Variants in COL5A2 observed in about 807,000 individuals in gnomAD.
The protein encoded by COL5A2 is collagen type V alpha 2 chain, also known as collagen alpha-2(V) chain.
Under a neutral mutation model 208.2 loss-of-function variants are expected in COL5A2, and 23 were observed. The ratio of observed to expected loss-of-function variants is 0.11; its 90% CI spans 0.08 to 0.16. COL5A2 has a LOEUF of 0.16. Ranked by LOEUF, COL5A2 falls within the 10% of genes least tolerant of loss-of-function variation. The pLI is 1.00. For missense variants in COL5A2, 1,590 were observed against 1,956.4 expected (o/e 0.81, Z 3.53); for synonymous variants, 625 against 628.5 (o/e 0.99, Z 0.08).
chr2:189,359,491 C>T, the COL5A2 span, among the ~76,000 whole-genome samples: 10 of 152,128 alleles, frequency 6.6e-5, no homozygotes, highest in Non-Finnish European at 1.3e-4. Context: ...TGTTGATTTT[C>T]GCATTTCTGC....
chr2:189,251,146 A>T, the COL5A2 span, among the ~76,000 whole-genome samples: 10 of 152,228 alleles, frequency 6.6e-5, no homozygotes, highest in East Asian at 1.9e-4. Flanking sequence ...ACAATAAAAA[A>T]TTTTTAAATA....
At chr2:189,405,591 G>A in the COL5A2 span, among the ~76,000 whole-genome samples, 1 of 152,138 alleles carries the variant, frequency 6.6e-6, no homozygotes, top group Non-Finnish European at 1.5e-5. Context: ...ATTGCATTCT[G>A]TAGACTATTT....
At position 189,063,286 on chromosome 2, in the gene COL5A2, G is replaced by T. The variant is rs1686076114; in HGVS notation, c.1771-16C>A. The T allele has an allele frequency of 1.2e-6, 2 of 1,605,380 alleles. No homozygotes were observed. Among genetic ancestry groups the T allele is most frequent in the Non-Finnish European group, 1.7e-6 (2 of 1,172,940 alleles). ...CTGGCGCACCCTATAGAATTGACAG[G>T]AGCCATGTAAGTTTCATGTAAGTTG... On this transcript the variant is annotated splice_polypyrimidine_tract_variant and intron_variant, in intron 26 of 53. Coordinates refer to ENST00000374866, the MANE Select transcript of COL5A2 (RefSeq NM_000393.5).
chr2:189,086,144 A>G (rs576144187), intron 9 of COL5A2, among the ~76,000 whole-genome samples: 2 of 152,314 alleles, frequency 1.3e-5, no homozygotes, highest in East Asian at 3.9e-4. Context: ...CACACACATG[A>G]CAATGACAAT....
chr2:189,329,703 C>T, the COL5A2 span, among the ~76,000 whole-genome samples: 1 of 152,176 alleles, frequency 6.6e-6, no homozygotes, highest in African/African-American at 2.4e-5. Context: ...GCTCTCAAAA[C>T]CTCAATTCAG....
chr2:189,072,567 T>G (rs1686298483), intron 17 of COL5A2, among the ~76,000 whole-genome samples: 3 of 151,326 alleles, frequency 2.0e-5, no homozygotes, highest in Admixed American at 6.6e-5. Context: ...AGGTCAGGAG[T>G]TCGAGACCAG....
chr2:189,137,499 AT>A (rs1209449386), intron 1 of COL5A2, among the ~76,000 whole-genome samples: 2 of 152,244 alleles, frequency 1.3e-5, no homozygotes, highest in African/African-American at 2.4e-5. Context: ...TTTAAGTAAT[AT>A]TCTTTTGATG....
At chr2:189,337,184 T>C in the COL5A2 span, among the ~76,000 whole-genome samples, 1 of 151,008 alleles carries the variant, frequency 6.6e-6, no homozygotes, top group African/African-American at 2.4e-5. Flanking sequence ...CATTTTTTTT[T>C]TTCTTTTTTT....
Position 189,032,507 on chromosome 2 carries a change from A to C in COL5A2, c.*1563T>G, listed in dbSNP as rs1685355184. The C allele has an allele frequency of 6.6e-6, 1 of 152,158 alleles. No individual in the cohort carries two copies. Among genetic ancestry groups the C allele is most frequent in the South Asian group, 2.1e-4 (1 of 4,836 alleles). 9.4% of individuals were successfully genotyped at this position (152,158 alleles called of 1,614,324 possible). On this transcript the variant is annotated 3_prime_UTR_variant, in exon 54 of 54. Coordinates refer to ENST00000374866, the MANE Select transcript of COL5A2 (RefSeq NM_000393.5). ...TGGTCAAAGGAATTTCACAAAACAA[A>C]AACCACTGACATGACAAAAGCGTGC...
chr2:189,237,183 C>T, the COL5A2 span, among the ~76,000 whole-genome samples: 2 of 151,618 alleles, frequency 1.3e-5, no homozygotes, highest in South Asian at 2.1e-4. Context: ...AAATGTATAC[C>T]TTAATAATTT....
At chr2:189,079,559 TC>T (rs1301877188) in intron 14 of COL5A2, among the ~76,000 whole-genome samples, 1 of 152,168 alleles carries the variant, frequency 6.6e-6, no homozygotes, top group Non-Finnish European at 1.5e-5. Context: ...TGATGTTTTT[TC>T]TCCCTGTAGA....
the COL5A2 span, among the ~76,000 whole-genome samples, chr2:189,359,521 G>C: frequency 2.2e-4 from 34 of 152,162 alleles, no homozygotes; most frequent in African/African-American, 8.2e-4. Context: ...ATACTGGCCT[G>C]TAGCTTTCGT....
At chr2:189,115,380 T>C (rs1280810851) in intron 1 of COL5A2, among the ~76,000 whole-genome samples, 1 of 150,926 alleles carries the variant, frequency 6.6e-6, no homozygotes. Context: ...TGCATCCACA[T>C]TTTTTCACAC....
At chr2:189,308,495 T>C in the COL5A2 span, among the ~76,000 whole-genome samples, 1 of 152,050 alleles carries the variant, frequency 6.6e-6, no homozygotes, top group African/African-American at 2.4e-5. Context: ...GGAGGGAAAA[T>C]ACACTTTTTG....
At chr2:189,288,852 T>C in the COL5A2 span, among the ~76,000 whole-genome samples, 3 of 152,104 alleles carry the variant, frequency 2.0e-5, no homozygotes, top group South Asian at 2.1e-4. Flanking sequence ...AAAGGGATCA[T>C]TCACCGTGAC....
chr2:189,225,744 C>G (rs532505163), upstream of COL5A2, among the ~76,000 whole-genome samples: 21 of 151,922 alleles, frequency 1.4e-4, no homozygotes, highest in Non-Finnish European at 2.5e-4. Flanking sequence ...TATATATGTT[C>G]TAAGTTGAAC....
intron 1 of COL5A2, among the ~76,000 whole-genome samples, chr2:189,212,359 T>C (rs921720045): frequency 6.6e-6 from 1 of 152,044 alleles, no homozygotes; most frequent in Non-Finnish European, 1.5e-5. Context: ...TAAAACTTGC[T>C]GGGCGCGGTG....
chr2:189,049,046 A>G (rs202180670), intron 44 of COL5A2, among the ~76,000 whole-genome samples: 1 of 151,772 alleles, frequency 6.6e-6, no homozygotes, highest in African/African-American at 2.4e-5. Context: ...AATAATAACA[A>G]GGGAAAGATG....
Position 189,043,133 on chromosome 2 carries a change from C to A in COL5A2, c.3471+18G>T. ...TTTTCAACTACAGGGCAGAATAATACTTAAAGGAATAACTTACAGGAGGGC... is the reference window on the plus strand; with the variant it reads ...TTTTCAACTACAGGGCAGAATAATAATTAAAGGAATAACTTACAGGAGGGC... On this transcript the variant is annotated intron_variant, in intron 48 of 53. Coordinates refer to ENST00000374866, the MANE Select transcript of COL5A2 (RefSeq NM_000393.5). 1 of 1,584,178 alleles carries A rather than the reference C, an allele frequency of 6.3e-7. No individual in the cohort carries two copies.
Sources: gnomAD v4.1 joint callset for allele counts (sites outside exome capture counted in the v4.1 genomes callset) on GRCh38, gnomAD v4.1.1 for gene constraint, MANE v1.5 for transcripts, NCBI Gene and HGNC (gene_info 2026-07-23, HGNC 2026-07-21) for gene names.